FIGN: variants seen among roughly 807,000 people sequenced by gnomAD.
The protein encoded by FIGN is fidgetin.
FIGN carries 11 observed loss-of-function variants against 51.3 expected under a neutral mutation model. That is an observed-to-expected ratio of 0.21 (90% CI 0.13 to 0.35). The LOEUF (loss-of-function observed/expected upper bound fraction) is 0.35, where lower values mean the gene tolerates loss of function less well. Ranked by LOEUF, FIGN falls within the 10% of genes least tolerant of loss-of-function variation. The probability of loss-of-function intolerance (pLI) is 1.00; values close to 1 mark genes in which losing one functional copy is unlikely to be tolerated. For synonymous variants in FIGN, 407 were observed against 363.2 expected, an observed-to-expected ratio of 1.12 and a Z score of -1.37; for missense variants, 857 against 943.6, an observed-to-expected ratio of 0.91 and a Z score of 1.20.
intron 2 of FIGN, among the ~76,000 whole-genome samples, chr2:163,661,112 G>A (rs1422826137): frequency 4.0e-5 from 6 of 149,298 alleles, no homozygotes; most frequent in East Asian, 2.0e-4. Context: ...TTGAACTCTC[G>A]ACCTCAGGTG....
At chr2:163,692,988 G>A (rs745861066) in intron 2 of FIGN, among the ~76,000 whole-genome samples, 14 of 152,194 alleles carry the variant, frequency 9.2e-5, no homozygotes, top group South Asian at 2.1e-4. Context: ...TCAGGCAAGC[G>A]CCTTGGTACT....
intron 2 of FIGN, among the ~76,000 whole-genome samples, chr2:163,636,214 A>C (rs1683222402): frequency 6.6e-6 from 1 of 152,186 alleles, no homozygotes; most frequent in Non-Finnish European, 1.5e-5. Context: ...GTGCTTAGTT[A>C]GATTAAACTG....
At chr2:163,634,123 T>TG (rs3058758) in intron 2 of FIGN, among the ~76,000 whole-genome samples, 1 of 151,174 alleles carries the variant, frequency 6.6e-6, no homozygotes, top group South Asian at 2.1e-4. Context: ...TGTGTGTGTG[T>TG]TTGGCTCACT....
intron 2 of FIGN, among the ~76,000 whole-genome samples, chr2:163,640,872 C>A (rs1301957984): frequency 6.6e-6 from 1 of 152,178 alleles, no homozygotes; most frequent in African/African-American, 2.4e-5. Context: ...CTTTGAACCT[C>A]AAGTCTCCTA....
At chr2:163,663,397 T>G (rs552740795) in intron 2 of FIGN, among the ~76,000 whole-genome samples, 1 of 151,838 alleles carries the variant, frequency 6.6e-6, no homozygotes, top group Admixed American at 6.5e-5. Flanking sequence ...TGCAATGGCA[T>G]GATCTCAGCT....
chr2:163,651,191 C>T lies in FIGN; in HGVS notation c.26-39385G>A, dbSNP rs371981567. The stretch of plus-strand genomic sequence containing the variant: ...AAAAGTTCTACTGATAGGCCGGGTG[C>T]GGTGGCTCACGCCTGTATCCCAGCC... On this transcript the variant is annotated intron_variant, in intron 2 of 2. Transcript: ENST00000333129. Among the ~76,000 whole-genome samples the T allele has an allele frequency of 2.8e-4, 43 of 152,248 alleles. No individual in the cohort carries two copies. The South Asian group carries it at 8.3e-3, about 29-fold the overall frequency.
At position 163,603,860 on chromosome 2, in the gene FIGN, A is replaced by G. The variant is rs1483310894; in HGVS notation, c.*5692T>C. ...ATAGAGCTGGTGAAGAAAAAGAACGAATGCTAAAATAAATAGTATAATATA... is the reference window on the plus strand; with the variant it reads ...ATAGAGCTGGTGAAGAAAAAGAACGGATGCTAAAATAAATAGTATAATATA... On this transcript the variant is annotated 3_prime_UTR_variant, in exon 3 of 3. Transcript: ENST00000333129. 6.6e-6 allele frequency: 1 copy of G among 152,138 alleles called. No homozygotes were observed. The highest frequency in any genetic ancestry group is 1.5e-5 in the Non-Finnish European group (1 of 68,002). 9.4% of individuals were successfully genotyped at this position (152,138 alleles called of 1,614,324 possible). A position where few individuals can be genotyped will look rare whatever the true frequency, so the allele number is the denominator to read the frequency against.
chr2:163,722,742 A>G (rs1684777422), intron 2 of FIGN, among the ~76,000 whole-genome samples: 1 of 152,108 alleles, frequency 6.6e-6, no homozygotes, highest in Non-Finnish European at 1.5e-5. Context: ...TAATTATAAA[A>G]CTATTTTTCA....
chr2:163,651,863 G>C (rs1206851670), intron 2 of FIGN, among the ~76,000 whole-genome samples: 1 of 152,122 alleles, frequency 6.6e-6, no homozygotes, highest in Non-Finnish European at 1.5e-5. Context: ...AGCAGGCTAG[G>C]GTTGCCCAAG....
intron 2 of FIGN, among the ~76,000 whole-genome samples, chr2:163,663,128 C>T (rs1191525097): frequency 6.6e-6 from 1 of 151,986 alleles, no homozygotes; most frequent in Non-Finnish European, 1.5e-5. Flanking sequence ...ACCATGTTGG[C>T]CAGCCTGGTC....
intron 2 of FIGN, among the ~76,000 whole-genome samples, chr2:163,718,355 G>T (rs975288032): frequency 8.5e-5 from 13 of 152,086 alleles, no homozygotes; most frequent in African/African-American, 3.1e-4. Context: ...TAACATATTT[G>T]CTTAAAGATG....
chr2:163,604,211 G>A lies in FIGN; in HGVS notation c.*5341C>T, dbSNP rs1027641212. On this transcript the variant is annotated 3_prime_UTR_variant, in exon 3 of 3. Transcript: ENST00000333129. Reference sequence around the variant, plus strand: ...TATTTCTCTTAAATTTAGGAGCTGAGGGTGTCAGTCAAAATATAAAAATGT... The same window carrying A: ...TATTTCTCTTAAATTTAGGAGCTGAAGGTGTCAGTCAAAATATAAAAATGT... The A allele has an allele frequency of 6.6e-6, 1 of 152,054 alleles. No homozygotes were observed. Among genetic ancestry groups the A allele is most frequent in the Non-Finnish European group, 1.5e-5 (1 of 67,964 alleles). 9.4% of individuals were successfully genotyped at this position (152,054 alleles called of 1,614,324 possible).
chr2:163,615,058 A>T (rs1027944350), intron 2 of FIGN, among the ~76,000 whole-genome samples: 1 of 152,178 alleles, frequency 6.6e-6, no homozygotes, highest in Non-Finnish European at 1.5e-5. Context: ...TTAAGCAAAG[A>T]TCATATTTAT....
intron 2 of FIGN, among the ~76,000 whole-genome samples, chr2:163,655,614 A>G (rs971171458): frequency 2.6e-5 from 4 of 152,178 alleles, no homozygotes; most frequent in Non-Finnish European, 5.9e-5. Context: ...ATCTGTTTTC[A>G]TACATCATAT....
intron 2 of FIGN, among the ~76,000 whole-genome samples, chr2:163,704,423 G>A (rs1684460799): frequency 6.6e-6 from 1 of 151,968 alleles, no homozygotes; most frequent in Non-Finnish European, 1.5e-5. Context: ...ATTTCCTTGT[G>A]GGCTGTGTGT....
intron 2 of FIGN, among the ~76,000 whole-genome samples, chr2:163,661,427 G>A (rs1337236209): frequency 1.3e-5 from 2 of 151,072 alleles, no homozygotes; most frequent in Admixed American, 6.6e-5. Flanking sequence ...ATGGAGTTTC[G>A]CTCTCATCAC....
intron 2 of FIGN, among the ~76,000 whole-genome samples, chr2:163,679,093 T>C (rs1008759940): frequency 6.6e-6 from 1 of 152,216 alleles, no homozygotes; most frequent in African/African-American, 2.4e-5. Context: ...TGCATTCTTA[T>C]ACGTTGAAGT....
intron 2 of FIGN, among the ~76,000 whole-genome samples, chr2:163,647,038 C>G (rs1683393565): frequency 6.6e-6 from 1 of 152,174 alleles, no homozygotes; most frequent in African/African-American, 2.4e-5. Context: ...CTACAGAAAG[C>G]TCTCCAAGTT....
rs1287493582 is a variant in FIGN, at chr2:163,611,041, G to T, written c.791C>A (p.Pro264His). 1 of 1,613,788 alleles carries T rather than the reference G, an allele frequency of 6.2e-7. No homozygotes were observed. Among genetic ancestry groups the T allele is most frequent in the Non-Finnish European group, 8.5e-7 (1 of 1,180,018 alleles). Reference sequence around the variant, plus strand: ...TGAAGGCGGAGGCGGTGCCCCCCCAGGGCTGTACCCAGACCCCACAGCAGT... The same window carrying T: ...TGAAGGCGGAGGCGGTGCCCCCCCATGGCTGTACCCAGACCCCACAGCAGT... ...PQTAVGSGYS[P>H]GGAPPPPSAY... The change falls in exon 3 of 3, where the codon CCT (proline) becomes CAT (histidine). Residue 264 changes from proline (P) to histidine (H), a missense_variant. Transcript: ENST00000333129.
Sources: allele counts gnomAD v4.1 joint callset (sites outside exome capture counted in the v4.1 genomes callset), GRCh38; gene constraint gnomAD v4.1.1; transcripts MANE v1.5; gene names NCBI Gene and HGNC (gene_info 2026-07-23, HGNC 2026-07-21).